TES: variants seen among roughly 807,000 people sequenced by gnomAD.
TES encodes the protein testin LIM domain protein, also known as testin.
A neutral mutation model predicts 48.2 loss-of-function variants in TES; 41 were observed. The observed-to-expected ratio is 0.85, with a 90% CI of 0.66 to 1.10. TES has a LOEUF of 1.10. Among genes scored for constraint, TES ranks in the 50% least tolerant of loss-of-function variants. The pLI is 0.00. For missense variants in TES, 463 were observed against 515.1 expected, an observed-to-expected ratio of 0.90 and a Z score of 0.98; for synonymous variants, 162 against 174.9, an observed-to-expected ratio of 0.93 and a Z score of 0.58.
At chr7:116,251,119 A>G (rs1408000947) in intron 4 of TES, among the ~76,000 whole-genome samples, 1 of 152,192 alleles carries the variant, frequency 6.6e-6, no homozygotes, top group Admixed American at 6.5e-5. Flanking sequence ...GAGCACTAAT[A>G]AGCCCTGAGG....
In TES at chr7:116,257,966, G is replaced by C. The variant is rs375847553; in HGVS notation, c.*484G>C. 1 of 153,296 alleles carries C rather than the reference G, an allele frequency of 6.5e-6. No homozygotes were observed. Among genetic ancestry groups the C allele is most frequent in the East Asian group, 1.9e-4 (1 of 5,200 alleles). 9.5% of individuals were successfully genotyped at this position (153,296 alleles called of 1,614,324 possible). A position where few individuals can be genotyped will look rare whatever the true frequency, so the allele number is the denominator to read the frequency against. ...TAATGATACACAGTGAATTCTTTTT[G>C]ACAAAGAGAAATGCAGTGTAGTATG... On this transcript the variant is annotated 3_prime_UTR_variant, in exon 7 of 7. Coordinates refer to ENST00000358204, the MANE Select transcript of TES (RefSeq NM_015641.4).
At chr7:116,228,524 G>A (rs962135753) in intron 1 of TES, among the ~76,000 whole-genome samples, 1 of 152,162 alleles carries the variant, frequency 6.6e-6, no homozygotes, top group Non-Finnish European at 1.5e-5. Context: ...TGTTGAGTCT[G>A]CAGGGAATAC....
chr7:116,226,359 A>G (rs1242701576), intron 1 of TES, among the ~76,000 whole-genome samples: 1 of 152,178 alleles, frequency 6.6e-6, no homozygotes, highest in Non-Finnish European at 1.5e-5. Flanking sequence ...AAAGAAAGGT[A>G]TCACAGAGTT....
At chr7:116,224,325 G>A (rs1377003335) in intron 1 of TES, among the ~76,000 whole-genome samples, 14 of 152,248 alleles carry the variant, frequency 9.2e-5, no homozygotes, top group South Asian at 4.1e-4. Flanking sequence ...AGTTTGCAGC[G>A]AATACAGAGG....
chr7:116,247,512 C>G (rs957732064), intron 2 of TES, among the ~76,000 whole-genome samples: 2 of 149,600 alleles, frequency 1.3e-5, no homozygotes, highest in East Asian at 3.9e-4. Flanking sequence ...TTTAATCAGT[C>G]TTTTTTTTTA....
chr7:116,228,536 G>A (rs368778180), intron 1 of TES, among the ~76,000 whole-genome samples: 2 of 152,222 alleles, frequency 1.3e-5, no homozygotes, highest in South Asian at 2.1e-4. Flanking sequence ...AGGGAATACC[G>A]TATCACATTT....
At chr7:116,247,321 A>T (rs1269447689) in intron 2 of TES, among the ~76,000 whole-genome samples, 4 of 152,172 alleles carry the variant, frequency 2.6e-5, no homozygotes, top group African/African-American at 9.6e-5. Flanking sequence ...CTTGGATAAT[A>T]GCTATAAAAT....
intron 1 of TES, among the ~76,000 whole-genome samples, chr7:116,226,847 G>A (rs1322864167): frequency 6.6e-6 from 1 of 152,080 alleles, no homozygotes; most frequent in African/African-American, 2.4e-5. Flanking sequence ...CCAAGTGGGT[G>A]GTGACAACTT....
chr7:116,231,487 T>C (rs1353715551), intron 1 of TES, among the ~76,000 whole-genome samples: 1 of 137,288 alleles, frequency 7.3e-6, no homozygotes, highest in Non-Finnish European at 1.6e-5. Flanking sequence ...TTTATACATA[T>C]TACAGACATC....
At position 116,212,971 on chromosome 7, in the gene TES, A is replaced by G. The variant is rs138429035; in HGVS notation, c.27+2237A>G. Among the ~76,000 whole-genome samples the G allele has an allele frequency of 7.4e-4, 113 of 152,326 alleles. 3 individuals carry two copies. In the East Asian group the frequency reaches 0.016, roughly 21 times the overall value. ...TCACTGATGATTCTTAGAATCCTCA[A>G]CTGGTAAATTGGAAGCTATTAAAAA... is the stretch of plus-strand genomic sequence containing the variant. On this transcript the variant is annotated intron_variant, in intron 1 of 6. Transcript: ENST00000358204.
chr7:116,246,795 A>G (rs1006075522), intron 2 of TES, among the ~76,000 whole-genome samples: 7 of 152,084 alleles, frequency 4.6e-5, no homozygotes, highest in African/African-American at 1.4e-4. Context: ...TCCCTTCTTC[A>G]CGAGTTTGAA....
intron 2 of TES, among the ~76,000 whole-genome samples, chr7:116,246,657 T>A (rs1401355096): frequency 1.3e-5 from 2 of 152,192 alleles, no homozygotes; most frequent in Non-Finnish European, 2.9e-5. Context: ...AAGGTATTCC[T>A]CTTTATACCC....
At chr7:116,212,978 A>G (rs1037842391) in intron 1 of TES, among the ~76,000 whole-genome samples, 2 of 152,162 alleles carry the variant, frequency 1.3e-5, no homozygotes, top group Non-Finnish European at 2.9e-5. Context: ...TCAACTGGTA[A>G]ATTGGAAGCT....
intron 2 of TES, among the ~76,000 whole-genome samples, chr7:116,244,274 C>A (rs897805856): frequency 6.6e-6 from 1 of 152,202 alleles, no homozygotes; most frequent in East Asian, 1.9e-4. Context: ...CCAGGCAAGT[C>A]CCTTCTGCCT....
rs115191849 is a variant in TES at position 116,241,218 on chromosome 7, G to A, written c.113+6599G>A. 6.0e-3 allele frequency among the ~76,000 whole-genome samples: 911 copies of A among 152,212 alleles called. 5 individuals are homozygous for A. Among genetic ancestry groups the A allele is most frequent in the African/African-American group, 0.021 (868 of 41,540 alleles). On this transcript the variant is annotated intron_variant, in intron 2 of 6. Transcript: ENST00000358204. Reference sequence around the variant, plus strand: ...CCAAATGACTTTGAAAGTTTTTATAGGTATTTCTAAAAGTAAAATGTTTTA... The same window carrying A: ...CCAAATGACTTTGAAAGTTTTTATAAGTATTTCTAAAAGTAAAATGTTTTA...
intron 6 of TES, among the ~76,000 whole-genome samples, chr7:116,256,913 C>T (rs955866130): frequency 6.6e-6 from 1 of 152,046 alleles, no homozygotes; most frequent in African/African-American, 2.4e-5. Context: ...GTAAAATTAC[C>T]ACTTCAAAGC....
intron 6 of TES, among the ~76,000 whole-genome samples, chr7:116,253,360 A>G (rs182846777): frequency 2.0e-5 from 3 of 152,262 alleles, no homozygotes; most frequent in Admixed American, 6.5e-5. Flanking sequence ...TTCATTCTCT[A>G]TCAACTGTGC....
intron 3 of TES, 152 bp downstream of exon 3, chr7:116,249,424 C>CTTTTGAAT (rs1799972781): frequency 4.4e-6 from 4 of 917,196 alleles, no homozygotes; most frequent in African/African-American, 1.7e-5. Flanking sequence ...CTGTTCTAGT[C>CTTTTGAAT]TTTTGAATGT....
At chr7:116,238,591 T>TATG (rs1236244912) in intron 2 of TES, among the ~76,000 whole-genome samples, 1 of 149,040 alleles carries the variant, frequency 6.7e-6, no homozygotes, top group Admixed American at 6.7e-5. Context: ...CCATCATTAT[T>TATG]ATTATTATTA....
Sources: gnomAD v4.1 joint callset for allele counts (sites outside exome capture counted in the v4.1 genomes callset) on GRCh38, gnomAD v4.1.1 for gene constraint, MANE v1.5 for transcripts, NCBI Gene and HGNC (gene_info 2026-07-23, HGNC 2026-07-21) for gene names.